Variants in CDH12 observed in about 807,000 individuals in gnomAD.
CDH12 encodes cadherin-12.
A neutral mutation model predicts 74.1 loss-of-function variants in CDH12; 41 were observed. The ratio of observed to expected loss-of-function variants is 0.55; its 90% CI spans 0.43 to 0.72. The LOEUF is 0.72. Ranked by LOEUF, CDH12 falls within the 30% of genes least tolerant of loss-of-function variation. The pLI is 0.00. For missense variants in CDH12, 945 were observed against 977.2 expected (o/e 0.97, Z 0.44); for synonymous variants, 399 against 355.0 (o/e 1.12, Z -1.39).
At chr5:22,713,250 C>T (rs1743385185) in intron 1 of CDH12, among the ~76,000 whole-genome samples, 2 of 141,868 alleles carry the variant, frequency 1.4e-5, no homozygotes, top group Non-Finnish European at 3.0e-5. Flanking sequence ...AAGCAATTCT[C>T]TTGCCTCAGC....
At chr5:22,761,600 C>G (rs1302282123) in intron 1 of CDH12, among the ~76,000 whole-genome samples, 1 of 152,122 alleles carries the variant, frequency 6.6e-6, no homozygotes, top group East Asian at 1.9e-4. Context: ...CTATTTACAC[C>G]TAGGTAGAGG....
At chr5:22,838,157 C>G (rs1736917013) in intron 1 of CDH12, among the ~76,000 whole-genome samples, 1 of 152,168 alleles carries the variant, frequency 6.6e-6, no homozygotes. Flanking sequence ...TGATGACGGT[C>G]ATGCTGAAAA....
intron 8 of CDH12, among the ~76,000 whole-genome samples, chr5:21,832,470 G>C (rs1167506804): frequency 6.6e-6 from 1 of 151,766 alleles, no homozygotes; most frequent in Non-Finnish European, 1.5e-5. Context: ...CATTCAAATT[G>C]TATTCATTTC....
chr5:22,660,187 A>T (rs1362487797), intron 1 of CDH12, among the ~76,000 whole-genome samples: 1 of 152,210 alleles, frequency 6.6e-6, no homozygotes, highest in East Asian at 1.9e-4. Flanking sequence ...CAAAGCAAGC[A>T]TGTATTTATA....
In CDH12 at chr5:22,753,691, GA is replaced by G. The variant is rs1394511146; in HGVS notation, c.-523+99366del. ...TTTCAAAAAGACAGAATGAAAAGAA[GA>G]AAAAATATTTGAGATATACAAACAC... On this transcript the variant is annotated intron_variant, in intron 1 of 14. Coordinates refer to ENST00000382254, the MANE Select transcript of CDH12 (RefSeq NM_004061.5). Among the ~76,000 whole-genome samples, 5 of 151,456 alleles carry G rather than the reference GA, an allele frequency of 3.3e-5. No individual in the cohort carries two copies. The South Asian group carries it at 1.1e-3, about 32-fold the overall frequency.
chr5:22,449,744 T>C (rs1425843626), intron 2 of CDH12, among the ~76,000 whole-genome samples: 1 of 152,028 alleles, frequency 6.6e-6, no homozygotes, highest in Non-Finnish European at 1.5e-5. Flanking sequence ...TTATATCTGT[T>C]ATATGGACTT....
At chr5:21,926,798 T>C (rs1205433379) in intron 6 of CDH12, among the ~76,000 whole-genome samples, 2 of 152,148 alleles carry the variant, frequency 1.3e-5, no homozygotes, top group African/African-American at 2.4e-5. Flanking sequence ...GCCGAGTGCA[T>C]GCAGGTAGAA....
chr5:21,921,708 A>G (rs1754360908), intron 6 of CDH12, among the ~76,000 whole-genome samples: 1 of 152,130 alleles, frequency 6.6e-6, no homozygotes, highest in Admixed American at 6.5e-5. Context: ...TGACACTACA[A>G]ATTTCCTTCC....
At chr5:21,987,141 T>C (rs910615958) in intron 5 of CDH12, among the ~76,000 whole-genome samples, 4 of 152,128 alleles carry the variant, frequency 2.6e-5, no homozygotes, top group Admixed American at 2.0e-4. Context: ...ATTTTCTCCT[T>C]TATTTTTTTA....
chr5:22,227,147 C>A (rs1022144214), intron 3 of CDH12, among the ~76,000 whole-genome samples: 1 of 152,062 alleles, frequency 6.6e-6, no homozygotes, highest in Non-Finnish European at 1.5e-5. Context: ...AGAAAGACTT[C>A]CTAATTGCAT....
intron 1 of CDH12, among the ~76,000 whole-genome samples, chr5:22,532,379 G>GTATA (rs1157316096): frequency 2.6e-4 from 6 of 22,644 alleles, no homozygotes; most frequent in African/African-American, 8.7e-4. Context: ...ATATATATAT[G>GTATA]TATGTATCCT....
intron 8 of CDH12, among the ~76,000 whole-genome samples, chr5:21,833,112 C>T (rs1349781886): frequency 4.8e-5 from 3 of 62,768 alleles, no homozygotes; most frequent in African/African-American, 1.3e-4. Flanking sequence ...TATTATATAA[C>T]ATATAATATA....
chr5:22,587,690 T>A (rs1740471114), intron 1 of CDH12, among the ~76,000 whole-genome samples: 1 of 152,100 alleles, frequency 6.6e-6, no homozygotes, highest in Non-Finnish European at 1.5e-5. Context: ...CTAACAACTG[T>A]CCCTTTATTA....
intron 3 of CDH12, among the ~76,000 whole-genome samples, chr5:22,242,605 T>G (rs1482669496): frequency 2.6e-5 from 4 of 152,200 alleles, no homozygotes; most frequent in African/African-American, 7.2e-5. Flanking sequence ...CCCAGCTGGC[T>G]TTCTAGCAGA....
intron 5 of CDH12, among the ~76,000 whole-genome samples, chr5:21,997,805 C>A (rs1736385805): frequency 6.6e-6 from 1 of 152,034 alleles, no homozygotes; most frequent in Non-Finnish European, 1.5e-5. Flanking sequence ...CTGCAAATTT[C>A]CAAGCTAAGA....
At chr5:21,997,114 G>A (rs2963504) in intron 5 of CDH12, among the ~76,000 whole-genome samples, 5,032 of 152,122 alleles carry the variant, frequency 0.033, 260 homozygotes, top group African/African-American at 0.12. Context: ...TAGCAATCAA[G>A]ATGAGGGGGC....
chr5:22,529,188 T>TAG (rs374921601), intron 1 of CDH12, among the ~76,000 whole-genome samples: 1,575 of 84,342 alleles, frequency 0.019, 13 homozygotes, highest in South Asian at 0.032. Context: ...TATATATATA[T>TAG]AGAGAGAGAG....
intron 1 of CDH12, among the ~76,000 whole-genome samples, chr5:22,641,395 G>A (rs1004642049): frequency 1.3e-5 from 2 of 152,068 alleles, no homozygotes; most frequent in South Asian, 4.1e-4. Context: ...CATTTTCTCT[G>A]CCTTTTTTGT....
At chr5:22,456,647 A>C (rs1745288481) in intron 2 of CDH12, among the ~76,000 whole-genome samples, 1 of 152,130 alleles carries the variant, frequency 6.6e-6, no homozygotes, top group Non-Finnish European at 1.5e-5. Flanking sequence ...GAAAAAAAAA[A>C]ATCTGTAGGC....
Sources: allele counts gnomAD v4.1 joint callset (sites outside exome capture counted in the v4.1 genomes callset), GRCh38; gene constraint gnomAD v4.1.1; transcripts MANE v1.5; gene names NCBI Gene and HGNC (gene_info 2026-07-23, HGNC 2026-07-21).